Variants in GLI3 observed in about 807,000 individuals in gnomAD.
The protein encoded by GLI3 is GLI family zinc finger 3, also known as transcription activator GLI3.
A neutral mutation model predicts 100.8 loss-of-function variants in GLI3; 20 were observed. The ratio of observed to expected loss-of-function variants is 0.20; its 90% CI spans 0.14 to 0.29. The LOEUF (loss-of-function observed/expected upper bound fraction) is 0.29. GLI3 is among the 10% of genes least tolerant of loss of function. The probability of loss-of-function intolerance (pLI) is 1.00; values close to 1 mark genes in which losing one functional copy is unlikely to be tolerated. For synonymous variants in GLI3, 938 were observed against 860.5 expected, an observed-to-expected ratio of 1.09 and a Z score of -1.58; for missense variants, 2,040 against 2,128.5, an observed-to-expected ratio of 0.96 and a Z score of 0.82.
At chr7:42,099,952 C>T (rs1464493180) in intron 3 of GLI3, among the ~76,000 whole-genome samples, 1 of 152,278 alleles carries the variant, frequency 6.6e-6, no homozygotes, top group African/African-American at 2.4e-5. Flanking sequence ...CACGTTAGTG[C>T]CAATCCACTC....
intron 4 of GLI3, among the ~76,000 whole-genome samples, chr7:42,050,367 A>G (rs1784330073): frequency 1.3e-5 from 2 of 152,346 alleles, no homozygotes; most frequent in African/African-American, 4.8e-5. Context: ...TTGTTTAAAT[A>G]GAAATCAACA....
At chr7:42,223,336 G>A (rs201730502) in intron 1 of GLI3, 41 bp from the exon 2 acceptor site, 631 of 844,956 alleles carry the variant, frequency 7.5e-4, no homozygotes, top group East Asian at 1.7e-3. Flanking sequence ...CAAAATGGTG[G>A]AAAAAAAAAA....
At chr7:42,094,974 G>A (rs1785306944) in intron 3 of GLI3, among the ~76,000 whole-genome samples, 1 of 152,186 alleles carries the variant, frequency 6.6e-6, no homozygotes, top group African/African-American at 2.4e-5. Flanking sequence ...ACTAGGTAGG[G>A]GAAGGATGAG....
chr7:42,102,218 G>A (rs928616495), intron 3 of GLI3, among the ~76,000 whole-genome samples: 12 of 152,124 alleles, frequency 7.9e-5, no homozygotes, highest in African/African-American at 1.2e-4. Flanking sequence ...GGATGGCTGG[G>A]TCAAATGGTA....
intron 2 of GLI3, among the ~76,000 whole-genome samples, chr7:42,183,089 T>C (rs550152211): frequency 3.1e-4 from 47 of 152,114 alleles, no homozygotes; most frequent in Non-Finnish European, 5.9e-4. Context: ...CCTGGCATGG[T>C]GGCGCACACC....
chr7:42,232,842 ATTT>A (rs1258292897), intron 1 of GLI3, among the ~76,000 whole-genome samples: 1 of 152,204 alleles, frequency 6.6e-6, no homozygotes, highest in Admixed American at 6.5e-5. Flanking sequence ...AAGGCCATAG[ATTT>A]TCTGAGACAT....
rs565361284 is a variant in GLI3, at chr7:42,098,322, C to T, written c.368-21465G>A. Among the ~76,000 whole-genome samples, 24 of 152,190 alleles carry T rather than the reference C, an allele frequency of 1.6e-4. No homozygotes were observed. In the South Asian group the frequency reaches 4.0e-3, roughly 25 times the overall value. ...TGTACTAAAAACTGACCCACGCTAA[C>T]GGAAAAAGATGCTCTACATTTTAGC... On this transcript the variant is annotated intron_variant, in intron 3 of 14. Transcript: ENST00000395925.
rs1489270219 is a variant in GLI3, at chr7:42,128,804, T to C, written c.367+19422A>G. On this transcript the variant is annotated intron_variant, in intron 3 of 14. Transcript: ENST00000395925. ...GAAGTCCATGGGTCTTAACAAATTA[T>C]CTCCCTTAATTCCTGTTATCACCCT... Among the ~76,000 whole-genome samples, 3 of 152,060 alleles carry C rather than the reference T, an allele frequency of 2.0e-5. No homozygotes were observed. The East Asian group carries it at 5.8e-4, about 29-fold the overall frequency.
At chr7:42,234,674 A>AATACAATCTATATCTTGT (rs763583330) in intron 1 of GLI3, among the ~76,000 whole-genome samples, 1 of 152,144 alleles carries the variant, frequency 6.6e-6, no homozygotes, top group Non-Finnish European at 1.5e-5. Flanking sequence ...TACTAACAAT[A>AATACAATCTATATCTTGT]ATACAATCTA....
chr7:42,079,808 T>C (rs780971536), intron 3 of GLI3, among the ~76,000 whole-genome samples: 1 of 152,222 alleles, frequency 6.6e-6, no homozygotes, highest in Non-Finnish European at 1.5e-5. Flanking sequence ...GTTTTCTCTA[T>C]GTGGGTGCAA....
chr7:42,245,607 G>A (rs569813078), intron 1 of GLI3, among the ~76,000 whole-genome samples: 6 of 152,066 alleles, frequency 3.9e-5, no homozygotes, highest in Non-Finnish European at 5.9e-5. Context: ...CTTGAACCCG[G>A]GAGATGGAGG....
chr7:42,077,638 G>A (rs2128752062), intron 3 of GLI3, among the ~76,000 whole-genome samples: 1 of 151,930 alleles, frequency 6.6e-6, no homozygotes, highest in East Asian at 1.9e-4. Flanking sequence ...GGGTTCCTGA[G>A]CTGCTGGGTG....
intron 2 of GLI3, among the ~76,000 whole-genome samples, chr7:42,188,291 C>T (rs1415134506): frequency 2.0e-5 from 3 of 152,060 alleles, no homozygotes; most frequent in African/African-American, 7.2e-5. Flanking sequence ...GGTAAACTAA[C>T]TAGGTGGAAA....
intron 10 of GLI3, among the ~76,000 whole-genome samples, chr7:42,005,027 C>T (rs1251281227): frequency 1.3e-5 from 2 of 152,092 alleles, no homozygotes; most frequent in African/African-American, 2.4e-5. Context: ...GTAAATTACA[C>T]ACAACGATTC....
At chr7:42,227,265 T>C (rs1384737177) in intron 1 of GLI3, among the ~76,000 whole-genome samples, 2 of 152,052 alleles carry the variant, frequency 1.3e-5, no homozygotes, top group Non-Finnish European at 2.9e-5. Context: ...CCCTTGACTT[T>C]TCATGCTTAA....
chr7:41,976,625 G>A (rs967701076), intron 12 of GLI3, among the ~76,000 whole-genome samples: 10 of 152,324 alleles, frequency 6.6e-5, no homozygotes, highest in South Asian at 2.1e-4. Context: ...ATGTGTGCAC[G>A]ATGTTCCTTC....
At chr7:42,149,423 T>C (rs1392587272) in intron 2 of GLI3, among the ~76,000 whole-genome samples, 2 of 152,228 alleles carry the variant, frequency 1.3e-5, no homozygotes, top group Non-Finnish European at 2.9e-5. Context: ...TTGGATGACC[T>C]TTCTATAATA....
chr7:42,143,589 T>C (rs73688649), intron 3 of GLI3, among the ~76,000 whole-genome samples: 4,732 of 152,324 alleles, frequency 0.031, 215 homozygotes, highest in African/African-American at 0.11. Context: ...TGCAGTTTTT[T>C]AGCACACAAG....
At chr7:41,975,610 C>T (rs1002697369) in intron 12 of GLI3, among the ~76,000 whole-genome samples, 8 of 152,188 alleles carry the variant, frequency 5.3e-5, no homozygotes, top group African/African-American at 1.7e-4. Flanking sequence ...ATCTTTTAAT[C>T]TTATAACAAA....
Sources: allele counts gnomAD v4.1 joint callset (sites outside exome capture counted in the v4.1 genomes callset), GRCh38; gene constraint gnomAD v4.1.1; transcripts MANE v1.5; gene names NCBI Gene and HGNC (gene_info 2026-07-23, HGNC 2026-07-21).